The following TRHDE variants were observed in gnomAD, a reference collection of about 807,000 sequenced individuals.
TRHDE encodes thyrotropin releasing hormone degrading enzyme, also known as thyrotropin-releasing hormone-degrading ectoenzyme.
In TRHDE, 72 loss-of-function variants were observed where a neutral mutation model predicts 125.7. The observed-to-expected ratio is 0.57, with a 90% CI of 0.47 to 0.70. TRHDE has a LOEUF of 0.70. Ranked by LOEUF, TRHDE falls within the 30% of genes least tolerant of loss-of-function variation. The probability of loss-of-function intolerance (pLI) is 0.00; values close to 1 mark genes in which losing one functional copy is unlikely to be tolerated. For missense variants in TRHDE, 1,110 were observed against 1,327.1 expected (o/e 0.84, Z 2.54); for synonymous variants, 509 against 509.1 (o/e 1.00, Z 0.00).
intron 3 of TRHDE, among the ~76,000 whole-genome samples, chr12:72,426,592 C>A (rs772512040): frequency 3.9e-5 from 6 of 151,940 alleles, no homozygotes; most frequent in Non-Finnish European, 7.4e-5. Flanking sequence ...TAGTAGGTTA[C>A]TTGCCAAAGG....
chr12:72,520,283 A>G (rs1457389762), intron 6 of TRHDE, among the ~76,000 whole-genome samples: 3 of 152,202 alleles, frequency 2.0e-5, no homozygotes, highest in Non-Finnish European at 4.4e-5. Flanking sequence ...CTGTGCTAGC[A>G]ATCAGCGAGA....
chr12:72,318,262 A>T (rs1214447897), intron 2 of TRHDE, among the ~76,000 whole-genome samples: 4 of 152,142 alleles, frequency 2.6e-5, no homozygotes. Context: ...AAATGAGGGT[A>T]CATTCTAGAT....
At chr12:72,228,749 T>A (rs1189637882) in intron 2 of TRHDE, among the ~76,000 whole-genome samples, 4 of 152,206 alleles carry the variant, frequency 2.6e-5, no homozygotes. Context: ...ATCCAAGTCA[T>A]CTCTTGAATG....
chr12:72,259,566 A>T (rs73336644), intron 2 of TRHDE, among the ~76,000 whole-genome samples: 1 of 152,050 alleles, frequency 6.6e-6, no homozygotes, highest in African/African-American at 2.4e-5. Context: ...ACAGACACAC[A>T]CTTAAATCCA....
In TRHDE at chr12:72,512,508, AATTAT is replaced by A. The variant is rs561562179; in HGVS notation, c.1722+12881_1722+12885del. Among the ~76,000 whole-genome samples, 1,351 of 138,836 alleles carry A rather than the reference AATTAT, an allele frequency of 9.7e-3. 27 individuals carry two copies. Among genetic ancestry groups the A allele is most frequent in the African/African-American group, 0.034 (1,287 of 37,650 alleles). 91.1% of individuals were successfully genotyped at this position (138,836 alleles called of 152,430 possible). ...TAATAATAATATATTATATAGTTAT[AATTAT>A]ATTATATATAATATATATGATTATA... is the stretch of plus-strand genomic sequence containing the variant. On this transcript the variant is annotated intron_variant, in intron 6 of 18. Transcript: ENST00000261180.
At chr12:72,600,487 A>G (rs1872165129) in intron 12 of TRHDE, among the ~76,000 whole-genome samples, 1 of 151,982 alleles carries the variant, frequency 6.6e-6, no homozygotes, top group Non-Finnish European at 1.5e-5. Context: ...GGCTAGAGGT[A>G]TTTTAATTTT....
In TRHDE at chr12:72,345,729, G is replaced by A. The variant is rs149505377; in HGVS notation, c.1189-32266G>A. 3.3e-3 allele frequency among the ~76,000 whole-genome samples: 500 copies of A among 152,038 alleles called. 4 individuals carry two copies. The highest frequency in any genetic ancestry group is 0.011 in the African/African-American group (474 of 41,482). On this transcript the variant is annotated intron_variant, in intron 2 of 18. Transcript: ENST00000261180. ...GGGGTGGAGGAATGTGTGGGCTCCCGGTGGGCATACCCCTTGGATACTTTA... is the reference window on the plus strand; with the variant it reads ...GGGGTGGAGGAATGTGTGGGCTCCCAGTGGGCATACCCCTTGGATACTTTA...
chr12:72,214,218 C>T (rs1440364100), intron 2 of TRHDE, among the ~76,000 whole-genome samples: 3 of 152,114 alleles, frequency 2.0e-5, no homozygotes, highest in Non-Finnish European at 4.4e-5. Flanking sequence ...TTCCAGAGCA[C>T]TGCATTCTGA....
At chr12:72,408,170 G>A (rs371408714) in intron 3 of TRHDE, among the ~76,000 whole-genome samples, 1 of 152,128 alleles carries the variant, frequency 6.6e-6, no homozygotes, top group Admixed American at 6.6e-5. Context: ...ACCACTCTCA[G>A]ACAAGCACTC....
At position 72,294,663 on chromosome 12, in the gene TRHDE, C is replaced by T. The variant is rs556236982; in HGVS notation, c.1188+7709C>T. Among the ~76,000 whole-genome samples the T allele has an allele frequency of 1.3e-3, 201 of 152,212 alleles. 3 individuals are homozygous for T. The highest frequency in any genetic ancestry group is 4.1e-3 in the Admixed American group (62 of 15,294). On this transcript the variant is annotated intron_variant, in intron 2 of 18. Transcript: ENST00000261180. ...AGGCACCACAAGTCCCTACTCTGGT[C>T]TGTGGGATGGCAGCCTGTTCCCTGC...
chr12:72,371,952 C>A (rs1282700971), intron 2 of TRHDE, among the ~76,000 whole-genome samples: 1 of 152,122 alleles, frequency 6.6e-6, no homozygotes, highest in Non-Finnish European at 1.5e-5. Flanking sequence ...TTCTAGATAC[C>A]TGAGGAATCG....
At chr12:72,567,909 T>G (rs1870527529) in intron 9 of TRHDE, among the ~76,000 whole-genome samples, 1 of 152,070 alleles carries the variant, frequency 6.6e-6, no homozygotes, top group Non-Finnish European at 1.5e-5. Flanking sequence ...ATGCTTCTTT[T>G]TAATAGTTGA....
At chr12:72,226,793 T>C (rs1436493275) in intron 2 of TRHDE, among the ~76,000 whole-genome samples, 2 of 152,222 alleles carry the variant, frequency 1.3e-5, no homozygotes, top group Admixed American at 6.5e-5. Flanking sequence ...TAACCTCTAA[T>C]TGAACTGGCA....
intron 3 of TRHDE, among the ~76,000 whole-genome samples, chr12:72,410,839 T>A (rs1052836488): frequency 6.7e-6 from 1 of 148,218 alleles, no homozygotes; most frequent in Admixed American, 6.8e-5. Context: ...CAACATTACA[T>A]GGGAAGCCTG....
chr12:72,252,473 G>A (rs1250581965), intron 2 of TRHDE, among the ~76,000 whole-genome samples: 1 of 152,072 alleles, frequency 6.6e-6, no homozygotes, highest in African/African-American at 2.4e-5. Context: ...GTCTATTCCT[G>A]TGTTTTCTCT....
chr12:72,661,579 AT>A (rs1874919726), intron 18 of TRHDE, among the ~76,000 whole-genome samples: 1 of 152,148 alleles, frequency 6.6e-6, no homozygotes, highest in Admixed American at 6.6e-5. Flanking sequence ...CTGAACATAA[AT>A]ATATAAGTAC....
At chr12:72,118,078 C>A (rs1199138390) in intron 2 of TRHDE, among the ~76,000 whole-genome samples, 1 of 151,896 alleles carries the variant, frequency 6.6e-6, no homozygotes, top group African/African-American at 2.4e-5. Context: ...TTTCTGATTA[C>A]TCTAGCTAGG....
chr12:72,635,865 T>A (rs946408044), intron 15 of TRHDE, among the ~76,000 whole-genome samples: 1 of 152,166 alleles, frequency 6.6e-6, no homozygotes, highest in Admixed American at 6.5e-5. Flanking sequence ...GATCTATATC[T>A]CTGTTTTGGT....
chr12:72,334,855 TC>T (rs369447237), intron 2 of TRHDE, among the ~76,000 whole-genome samples: 653 of 152,156 alleles, frequency 4.3e-3, no homozygotes, highest in South Asian at 0.025. Context: ...CAGTCCTTCA[TC>T]CCCGGGTCAC....
Sources: allele counts gnomAD v4.1 joint callset (sites outside exome capture counted in the v4.1 genomes callset), GRCh38; gene constraint gnomAD v4.1.1; transcripts MANE v1.5; gene names NCBI Gene and HGNC (gene_info 2026-07-23, HGNC 2026-07-21).